Variants in PWWP2B observed in about 807,000 individuals in gnomAD.
The protein encoded by PWWP2B is PWWP domain containing 2B, also known as PWWP domain-containing protein 2B.
In PWWP2B, 9 loss-of-function variants were observed where a neutral mutation model predicts 15.5. The observed-to-expected ratio is 0.58, with a 90% CI of 0.35 to 1.02. The LOEUF is 1.02. PWWP2B is among the 50% of genes least tolerant of loss of function. The pLI is 0.02. For synonymous variants in PWWP2B, 474 were observed against 403.6 expected, an observed-to-expected ratio of 1.17 and a Z score of -2.09; for missense variants, 864 against 865.3, an observed-to-expected ratio of 1.00 and a Z score of 0.02.
intron 2 of PWWP2B, among the ~76,000 whole-genome samples, chr10:132,410,613 G>A (rs1301739616): frequency 6.6e-6 from 1 of 152,186 alleles, no homozygotes; most frequent in African/African-American, 2.4e-5. Context: ...TGTTTTGGGA[G>A]CCATGAGGGC....
chr10:132,409,940 G>A (rs143065959), intron 2 of PWWP2B, among the ~76,000 whole-genome samples: 57 of 152,114 alleles, frequency 3.7e-4, no homozygotes, highest in Non-Finnish European at 7.6e-4. Context: ...CAGGAGGAGG[G>A]CAGGGCATGT....
At chr10:132,416,041 G>A (rs1442558635) in intron 2 of PWWP2B, among the ~76,000 whole-genome samples, 1 of 152,232 alleles carries the variant, frequency 6.6e-6, no homozygotes, top group Non-Finnish European at 1.5e-5. Flanking sequence ...CTCACGGCAT[G>A]GTGGTCTCAG....
intron 2 of PWWP2B, among the ~76,000 whole-genome samples, chr10:132,411,599 A>G (rs2069781808): frequency 6.6e-6 from 1 of 152,228 alleles, no homozygotes. Flanking sequence ...TGCACAGGCC[A>G]TGGGGGCAGC....
In PWWP2B at chr10:132,405,562, G is replaced by C. The variant is rs76595411; in HGVS notation, c.1062G>C (p.Val354=). 0.051 allele frequency: 81,674 copies of C among 1,607,034 alleles called. 2,351 individuals carry two copies. The highest frequency in any genetic ancestry group is 0.08 in the Middle Eastern group (482 of 6,058). Reference sequence around the variant, plus strand: ...AGCCCGTGTACCGGGCCGAGCTGGTGGGGGAGCTGAACGGGTACCTGCGGG... The same window carrying C: ...AGCCCGTGTACCGGGCCGAGCTGGTCGGGGAGCTGAACGGGTACCTGCGGG... ...EHEPVYRAEL[V]GELNGYLRDS... is the part of the protein sequence containing the mutation. The change falls in exon 2 of 3, where the codon GTG becomes GTC. Residue 354 remains valine (V), a synonymous_variant. Transcript: ENST00000305233.
intron 2 of PWWP2B, among the ~76,000 whole-genome samples, chr10:132,415,338 A>G (rs2069832461): frequency 6.8e-6 from 1 of 147,406 alleles, no homozygotes; most frequent in African/African-American, 2.5e-5. Context: ...CCCCACACAC[A>G]TATCCACTCA....
chr10:132,408,685 G>T (rs1220167532), intron 2 of PWWP2B, among the ~76,000 whole-genome samples: 1 of 152,262 alleles, frequency 6.6e-6, no homozygotes, highest in Non-Finnish European at 1.5e-5. Flanking sequence ...GGTGTCTGCT[G>T]CCTGAGGCAC....
intron 2 of PWWP2B, 109 bp from the exon 3 acceptor site, chr10:132,416,952 G>A: frequency 1.7e-6 from 2 of 1,173,230 alleles, no homozygotes; most frequent in Non-Finnish European, 2.5e-6. Flanking sequence ...GGTCCCGGGT[G>A]AGCCTCAGGC....
At chr10:132,414,790 G>T (rs1054111004) in intron 2 of PWWP2B, among the ~76,000 whole-genome samples, 5 of 152,198 alleles carry the variant, frequency 3.3e-5, no homozygotes, top group African/African-American at 1.2e-4. Flanking sequence ...TGCGGGGTCG[G>T]AGGAAGTCAT....
In PWWP2B at chr10:132,406,246, G is replaced by A. The variant is rs776319808; in HGVS notation, c.1746G>A (p.Arg582=). Residue 582 remains arginine (R), a synonymous_variant, in exon 2 of 3, where the codon AGG becomes AGA. Transcript: ENST00000305233. ...NAARHVAPEI[R]ELLTQFET ...CAAGACACGTGGCCCCGGAAATCAG[G>A]GAGCTCTTAACCCAGTTTGAAACGT... The A allele has an allele frequency of 6.2e-7, 1 of 1,611,216 alleles. No homozygotes were observed. The highest frequency in any genetic ancestry group is 1.3e-5 in the African/African-American group (1 of 75,018).
chr10:132,406,310 C>A (rs2069697926), intron 2 of PWWP2B, 21 bp downstream of exon 2: 4 of 1,569,838 alleles, frequency 2.5e-6, no homozygotes, highest in Non-Finnish European at 3.5e-6. Context: ...CAGCGGCAGC[C>A]TCCTTCCCCC....
At chr10:132,415,421 ACACG>A (rs1564878648) in intron 2 of PWWP2B, among the ~76,000 whole-genome samples, 6 of 148,644 alleles carry the variant, frequency 4.0e-5, no homozygotes, top group African/African-American at 1.3e-4. Flanking sequence ...ACTCATTTAC[ACACG>A]CACACATGCA....
In PWWP2B at chr10:132,404,895, T is replaced by C; in HGVS notation, c.395T>C (p.Leu132Pro). ...GCCCCCTTCCCTCACCCGCTGTGGC[T>C]CCGGGACACGTACAAGCTGTGGGTG... ...EGAPFPHPLW[L>P]RDTYKLWVPQ... The change falls in exon 2 of 3, where the codon CTC becomes CCC. Residue 132 changes from leucine to proline, a missense_variant. Physicochemically the swap from Leu to Pro is moderately conservative, Grantham distance 98 (BLOSUM62 -3). This residue lies in a region of PWWP2B where 736 missense variants were observed against 687.7 expected (regional missense o/e 1.07). Coordinates refer to ENST00000305233, the MANE Select transcript of PWWP2B (RefSeq NM_138499.4). 6.3e-7 allele frequency: 1 copy of C among 1,594,314 alleles called. No individual in the cohort carries two copies. The highest frequency in any genetic ancestry group is 8.5e-7 in the Non-Finnish European group (1 of 1,178,102).
At chr10:132,410,826 C>T (rs1271158626) in intron 2 of PWWP2B, among the ~76,000 whole-genome samples, 1 of 152,200 alleles carries the variant, frequency 6.6e-6, no homozygotes, top group African/African-American at 2.4e-5. Context: ...CTCCTGGTGT[C>T]CCGGCCTCTT....
rs200332939 is a variant in PWWP2B at position 132,404,755 on chromosome 10, C to T, written c.255C>T (p.Pro85=). The part of the protein sequence containing the change: ...AEVMQLGSSS[P]PPARGVQPPE... ...TGATGCAGCTGGGGTCCAGCTCCCC[C>T]CCTCCTGCCCGCGGGGTTCAGCCCC... Residue 85 remains proline (P), a synonymous_variant, in exon 2 of 3, where the codon CCC becomes CCT. Transcript: ENST00000305233. 4.6e-5 allele frequency: 73 copies of T among 1,594,598 alleles called. No individual in the cohort carries two copies. The highest frequency in any genetic ancestry group is 9.4e-5 in the African/African-American group (7 of 74,628).
chr10:132,402,805 G>A (rs757540408), intron 1 of PWWP2B, among the ~76,000 whole-genome samples: 1 of 152,246 alleles, frequency 6.6e-6, no homozygotes, highest in Non-Finnish European at 1.5e-5. Flanking sequence ...GCCGGCTTGG[G>A]TGGCCCCACT....
chr10:132,406,393 C>T, intron 2 of PWWP2B, 104 bp downstream of exon 2: 3 of 1,014,864 alleles, frequency 3.0e-6, no homozygotes, highest in Non-Finnish European at 2.8e-6. Flanking sequence ...GAGCCGCCGC[C>T]TGTGCCCCTC....
chr10:132,409,468 C>T (rs992727137), intron 2 of PWWP2B, among the ~76,000 whole-genome samples: 1 of 152,184 alleles, frequency 6.6e-6, no homozygotes, highest in Non-Finnish European at 1.5e-5. Context: ...AATGGGGACC[C>T]AGAGAAGGCA....
chr10:132,404,561 GC>G (rs1021839256), intron 1 of PWWP2B, 64 bp from the exon 2 acceptor site: 3 of 1,412,102 alleles, frequency 2.1e-6, no homozygotes, highest in African/African-American at 2.8e-5. Context: ...GGCTCTGGGG[GC>G]TGGTGCGGGT....
chr10:132,399,610 C>T (rs2069589019), intron 1 of PWWP2B, among the ~76,000 whole-genome samples: 1 of 152,270 alleles, frequency 6.6e-6, no homozygotes, highest in Non-Finnish European at 1.5e-5. Flanking sequence ...GCGTGTACAT[C>T]TGGGTGAGTT....
Sources: gnomAD v4.1 joint callset for allele counts (sites outside exome capture counted in the v4.1 genomes callset) on GRCh38, gnomAD v4.1.1 for gene constraint, gnomAD v4.1.1 regional missense constraint, MANE v1.5 for transcripts, NCBI Gene and HGNC (gene_info 2026-07-23, HGNC 2026-07-21) for gene names.